Variants in RABGAP1L observed in about 807,000 individuals in gnomAD.
RABGAP1L encodes the protein RAB GTPase activating protein 1 like, also known as rab GTPase-activating protein 1-like.
In RABGAP1L, 63 loss-of-function variants were observed where a neutral mutation model predicts 137.7. That is an observed-to-expected ratio of 0.46 (90% CI 0.37 to 0.56). The LOEUF is 0.56. Ranked by LOEUF, RABGAP1L falls within the 20% of genes least tolerant of loss-of-function variation. RABGAP1L has a pLI of 0.00. For missense variants in RABGAP1L, 1,095 were observed against 1,244.0 expected (o/e 0.88, Z 1.80); for synonymous variants, 431 against 433.7 (o/e 0.99, Z 0.08).
At chr1:174,986,799 C>G (rs1671628718) in intron 24 of RABGAP1L, among the ~76,000 whole-genome samples, 2 of 152,156 alleles carry the variant, frequency 1.3e-5, no homozygotes, top group Admixed American at 6.5e-5. Context: ...GTGGTGTTCT[C>G]TTTGCTGAAA....
At chr1:174,620,619 G>C (rs948504162) in intron 13 of RABGAP1L, among the ~76,000 whole-genome samples, 1 of 151,770 alleles carries the variant, frequency 6.6e-6, no homozygotes, top group Non-Finnish European at 1.5e-5. Context: ...AGAATCTCTG[G>C]GACACATTCA....
Position 174,314,755 on chromosome 1 carries a change from C to T in RABGAP1L, c.1465+9628C>T, listed in dbSNP as rs943709366. The stretch of plus-strand genomic sequence containing the variant: ...TCAATTTCTTCATTGACCCACTGGT[C>T]GTTCAGGAGCGTATTGTTTAATTTC... On this transcript the variant is annotated intron_variant, in intron 11 of 25. Coordinates refer to ENST00000681986, the MANE Select transcript of RABGAP1L (RefSeq NM_001366446.1). 5.3e-5 allele frequency among the ~76,000 whole-genome samples: 8 copies of T among 152,260 alleles called. No homozygotes were observed. In the South Asian group the frequency reaches 6.2e-4, roughly 12 times the overall value.
At chr1:174,502,539 T>C (rs1297553384) in intron 13 of RABGAP1L, among the ~76,000 whole-genome samples, 2 of 140,420 alleles carry the variant, frequency 1.4e-5, no homozygotes, top group African/African-American at 2.7e-5. Context: ...AGGAAACAAC[T>C]CAAGAGAAAC....
chr1:174,459,341 A>T (rs991538028), intron 13 of RABGAP1L, among the ~76,000 whole-genome samples: 1 of 152,142 alleles, frequency 6.6e-6, no homozygotes, highest in Admixed American at 6.5e-5. Context: ...AAAATGAATA[A>T]ATGATCTTGA....
At chr1:174,489,541 G>T (rs1660012759) in intron 13 of RABGAP1L, among the ~76,000 whole-genome samples, 1 of 151,466 alleles carries the variant, frequency 6.6e-6, no homozygotes, top group South Asian at 2.1e-4. Context: ...AGGTGCTGGA[G>T]AGGATGTGGA....
rs1692102351 is a variant in RABGAP1L, at chr1:174,831,417, G to A, written c.2340+19457G>A. On this transcript the variant is annotated intron_variant, in intron 19 of 25. Transcript: ENST00000681986. ...GGTAAATGTTGCCCTTTTTTCCTGA[G>A]GATGAGTCCACCTTGTCTTAAAGAA... Among the ~76,000 whole-genome samples the A allele has an allele frequency of 1.4e-5, 2 of 147,820 alleles. 1 individual carries two copies. Among genetic ancestry groups the A allele is most frequent in the Admixed American group, 1.3e-4 (2 of 14,840 alleles).
In RABGAP1L at chr1:174,783,707, C is replaced by CTTTTTTTT. The variant is rs34367315; in HGVS notation, c.2212-28112_2212-28105dup. On this transcript the variant is annotated intron_variant, in intron 18 of 25. Coordinates refer to ENST00000681986, the MANE Select transcript of RABGAP1L (RefSeq NM_001366446.1). ...TTTGATATGTTTTCTTCTTCTTCTT[C>CTTTTTTTT]TTTTTTTTTTTTTTTTTTTTGAGAT... 6.3e-4 allele frequency among the ~76,000 whole-genome samples: 65 copies of CTTTTTTTT among 102,460 alleles called. 1 individual carries two copies. Among genetic ancestry groups the CTTTTTTTT allele is most frequent in the Non-Finnish European group, 9.2e-4 (48 of 52,148 alleles). The allele number at this position is 102,460 out of a possible 152,430, so 67.2% of individuals were successfully genotyped here. A position where few individuals can be genotyped will look rare whatever the true frequency, so the allele number is the denominator to read the frequency against.
intron 17 of RABGAP1L, among the ~76,000 whole-genome samples, chr1:174,736,112 C>G (rs1224596305): frequency 6.6e-6 from 1 of 152,218 alleles, no homozygotes; most frequent in Non-Finnish European, 1.5e-5. Context: ...CTTATTCCAA[C>G]ATTAACTCAA....
At chr1:174,512,614 C>T (rs1189478499) in intron 13 of RABGAP1L, among the ~76,000 whole-genome samples, 1 of 152,158 alleles carries the variant, frequency 6.6e-6, no homozygotes, top group Non-Finnish European at 1.5e-5. Flanking sequence ...AGCATAATGA[C>T]CACACTGTAA....
At chr1:174,480,388 T>A (rs1658960362) in intron 13 of RABGAP1L, among the ~76,000 whole-genome samples, 1 of 152,230 alleles carries the variant, frequency 6.6e-6, no homozygotes, top group African/African-American at 2.4e-5. Flanking sequence ...AATTTGCATA[T>A]GACTTTGCAA....
Position 174,534,802 on chromosome 1 carries a change from A to AAAAAAAAAAAAT in RABGAP1L, c.1711-102571_1711-102570insAAAAAAAAATAA, listed in dbSNP as rs1553324953. On this transcript the variant is annotated intron_variant, in intron 13 of 25. Coordinates refer to ENST00000681986, the MANE Select transcript of RABGAP1L (RefSeq NM_001366446.1). The stretch of plus-strand genomic sequence containing the variant: ...AAAAAAAAAAAAAAAAAAAAAAAAA[A>AAAAAAAAAAAAT]AATAATTAGAATAGTATGCCAGTAT... Among the ~76,000 whole-genome samples, 6 of 137,312 alleles carry AAAAAAAAAAAAT rather than the reference A, an allele frequency of 4.4e-5. No individual in the cohort carries two copies. The East Asian group carries it at 8.3e-4, about 19-fold the overall frequency. The allele number at this position is 137,312 out of a possible 152,430, so 90.1% of individuals were successfully genotyped here.
At chr1:174,171,474 A>C (rs1232454938) in intron 1 of RABGAP1L, among the ~76,000 whole-genome samples, 1 of 152,100 alleles carries the variant, frequency 6.6e-6, no homozygotes, top group East Asian at 1.9e-4. Context: ...TCCTTCTATA[A>C]TTTTTAAAAT....
In RABGAP1L at chr1:174,664,730, C is replaced by CTTTTTTTTTTTTTTTTTTTTTTTTTTTTT. The variant is rs747671420; in HGVS notation, c.1825-18789_1825-18788insTTTTTTTTTTTTTTTTTTTTTTTTTTTTT. ...CTCTCTCTTTCTTTCTTTCTTTCTG[C>CTTTTTTTTTTTTTTTTTTTTTTTTTTTTT]TTTCTTTTTTTTTTTTTTTTTTTTT... On this transcript the variant is annotated intron_variant, in intron 14 of 25. Coordinates refer to ENST00000681986, the MANE Select transcript of RABGAP1L (RefSeq NM_001366446.1). 1.4e-4 allele frequency among the ~76,000 whole-genome samples: 14 copies of CTTTTTTTTTTTTTTTTTTTTTTTTTTTTT among 98,902 alleles called. 3 individuals are homozygous for CTTTTTTTTTTTTTTTTTTTTTTTTTTTTT. The highest frequency in any genetic ancestry group is 7.0e-4 in the African/African-American group (11 of 15,672). 64.9% of individuals were successfully genotyped at this position (98,902 alleles called of 152,430 possible).
intron 3 of RABGAP1L, among the ~76,000 whole-genome samples, chr1:174,229,622 G>A (rs4650969): frequency 0.23 from 34,981 of 152,014 alleles, 4,481 homozygotes; most frequent in Non-Finnish European, 0.27. Flanking sequence ...GCTCTGACTA[G>A]CCTCAATAAA....
intron 19 of RABGAP1L, among the ~76,000 whole-genome samples, chr1:174,851,897 T>C (rs1270434365): frequency 6.6e-6 from 1 of 152,096 alleles, no homozygotes; most frequent in Non-Finnish European, 1.5e-5. Flanking sequence ...ATTTAAATGG[T>C]CATGAGAGAA....
intron 6 of RABGAP1L, 29 bp downstream of exon 6, chr1:174,250,661 G>A (rs41265242): frequency 1.1e-5 from 17 of 1,600,660 alleles, no homozygotes; most frequent in Middle Eastern, 3.3e-4. Context: ...TTAAAAATTC[G>A]CATTGTATCT....
intron 13 of RABGAP1L, among the ~76,000 whole-genome samples, chr1:174,550,889 T>C (rs777908023): frequency 0.28 from 23,949 of 86,950 alleles, 3,713 homozygotes; most frequent in African/African-American, 0.31. Context: ...TATATATATA[T>C]ATATATACAC....
Position 174,608,404 on chromosome 1 carries a change from G to A in RABGAP1L, c.1711-28971G>A, listed in dbSNP as rs560696401. On this transcript the variant is annotated intron_variant, in intron 13 of 25. Transcript: ENST00000681986. ...GTTAGTGGAAGTAAGATATGTCTTA[G>A]CCCAAGGCAATATGTAAAAAAGTAT... Among the ~76,000 whole-genome samples, 3 of 152,270 alleles carry A rather than the reference G, an allele frequency of 2.0e-5. No individual in the cohort carries two copies. The South Asian group carries it at 6.2e-4, about 32-fold the overall frequency.
chr1:174,735,612 CAAAAAAAAAAAAA>C (rs59281177), intron 17 of RABGAP1L, among the ~76,000 whole-genome samples: 3 of 46,134 alleles, frequency 6.5e-5, no homozygotes, highest in Non-Finnish European at 1.2e-4. Context: ...AACTCCATCT[CAAAAAAAAAAAAA>C]AAAAAAAAAA....
Sources: allele counts gnomAD v4.1 joint callset (sites outside exome capture counted in the v4.1 genomes callset), GRCh38; gene constraint gnomAD v4.1.1; transcripts MANE v1.5; gene names NCBI Gene and HGNC (gene_info 2026-07-23, HGNC 2026-07-21).